Variants in ZBBX observed in about 807,000 individuals in gnomAD.
ZBBX encodes the protein zinc finger B-box domain containing.
Under a neutral mutation model 108.5 loss-of-function variants are expected in ZBBX, and 101 were observed. The observed-to-expected ratio is 0.93, with a 90% CI of 0.79 to 1.10. The LOEUF is 1.10. ZBBX is among the 50% of genes least tolerant of loss of function. ZBBX has a pLI of 0.00. For missense variants in ZBBX, 1,009 were observed against 941.4 expected (o/e 1.07, Z -0.94); for synonymous variants, 356 against 323.4 (o/e 1.10, Z -1.08).
intron 20 of ZBBX, among the ~76,000 whole-genome samples, chr3:167,261,181 C>A (rs771350211): frequency 1.3e-5 from 2 of 152,180 alleles, no homozygotes; most frequent in Non-Finnish European, 2.9e-5. Context: ...ATGATGTGAA[C>A]CATCTATGGG....
chr3:167,387,677 G>T lies in ZBBX; in HGVS notation c.-445-7272C>A, dbSNP rs368146617. ...AGGTGGAAGGAAGTCATACAATTCC[G>T]TGAAGGGAAGATTCATTAAGAGGTC... On this transcript the variant is annotated intron_variant, in intron 1 of 21. Coordinates refer to the ZBBX transcript ENST00000455345. 2.0e-4 allele frequency among the ~76,000 whole-genome samples: 31 copies of T among 152,134 alleles called. 1 individual carries two copies. Among genetic ancestry groups the T allele is most frequent in the East Asian group, 1.6e-3 (8 of 5,154 alleles).
upstream of ZBBX, among the ~76,000 whole-genome samples, chr3:167,383,943 A>G (rs1203719186): frequency 6.6e-6 from 1 of 152,086 alleles, no homozygotes; most frequent in African/African-American, 2.4e-5. Context: ...GCATGGGCAG[A>G]ATTTCTAGTT....
intron 17 of ZBBX, among the ~76,000 whole-genome samples, chr3:167,305,311 A>G (rs1307158486): frequency 1.3e-5 from 2 of 152,242 alleles, no homozygotes; most frequent in African/African-American, 4.8e-5. Flanking sequence ...AAAAACTAGA[A>G]AGTATTTATT....
At chr3:167,273,451 C>T (rs1726897926) in intron 20 of ZBBX, among the ~76,000 whole-genome samples, 1 of 152,124 alleles carries the variant, frequency 6.6e-6, no homozygotes, top group South Asian at 2.1e-4. Context: ...TGCTATATCC[C>T]AAAGTGCAAC....
intron 18 of ZBBX, among the ~76,000 whole-genome samples, chr3:167,291,146 C>T (rs1411709164): frequency 6.6e-6 from 1 of 151,942 alleles, no homozygotes; most frequent in African/African-American, 2.4e-5. Flanking sequence ...GGATATTATC[C>T]AAGAGAACTT....
chr3:167,318,117 C>T (rs1393941104), intron 12 of ZBBX, among the ~76,000 whole-genome samples: 2 of 151,842 alleles, frequency 1.3e-5, no homozygotes, highest in Non-Finnish European at 2.9e-5. Flanking sequence ...CTGCTGCAGC[C>T]CATTTCATAT....
At chr3:167,201,173 A>G in the ZBBX span, among the ~76,000 whole-genome samples, 1 of 152,148 alleles carries the variant, frequency 6.6e-6, no homozygotes, top group East Asian at 1.9e-4. Flanking sequence ...AAAGTAAAAT[A>G]TAGATCCAAA....
At chr3:167,330,859 GAGGAGGAGGAGGAGAAGAAGAAGA>G (rs1411257179) in intron 10 of ZBBX, among the ~76,000 whole-genome samples, 6 of 23,880 alleles carry the variant, frequency 2.5e-4, no homozygotes, top group East Asian at 1.7e-3. Flanking sequence ...GGAGGAGGAG[GAGGAGGAGGAGGAGAAGAAGAAGA>G]AGAAGAAGAA....
the ZBBX span, among the ~76,000 whole-genome samples, chr3:167,234,661 G>A: frequency 6.6e-6 from 1 of 151,692 alleles, no homozygotes; most frequent in Non-Finnish European, 1.5e-5. Context: ...CTTGTATACT[G>A]GAAACAAGTA....
Position 167,295,740 on chromosome 3 carries a change from TATATATATATATATATATAA to T in ZBBX, c.1879+2545_1879+2564del, listed in dbSNP as rs1166900752. On this transcript the variant is annotated intron_variant, in intron 18 of 21. Coordinates refer to ENST00000675490, the MANE Select transcript of ZBBX (RefSeq NM_001199201.2). ...ATATATATATATATATATATATATA[TATATATATATATATATATAA>T]AAAAAACTAGTAAGGAGATTAAATC... is the stretch of plus-strand genomic sequence containing the variant. Among the ~76,000 whole-genome samples, 27 of 44,414 alleles carry T rather than the reference TATATATATATATATATATAA, an allele frequency of 6.1e-4. 2 individuals are homozygous for T. The highest frequency in any genetic ancestry group is 0.01 in the Middle Eastern group (1 of 100). 29.1% of individuals were successfully genotyped at this position (44,414 alleles called of 152,430 possible).
At chr3:167,211,932 C>T in the ZBBX span, among the ~76,000 whole-genome samples, 35 of 152,182 alleles carry the variant, frequency 2.3e-4, 1 homozygote, top group South Asian at 3.3e-3. Flanking sequence ...CTGAGCCAAC[C>T]GGAGGTGGAA....
intron 1 of ZBBX, among the ~76,000 whole-genome samples, chr3:167,397,166 A>AAAAAAAAAAAAAAAAAAAAAAAAAAC (rs1748265803): frequency 1.3e-5 from 2 of 148,256 alleles, no homozygotes; most frequent in Non-Finnish European, 3.0e-5. Flanking sequence ...AAAAAAAAAA[A>AAAAAAAAAAAAAAAAAAAAAAAAAAC]TCTGACTCCT....
chr3:167,323,279 A>T (rs1355891649), intron 11 of ZBBX, among the ~76,000 whole-genome samples: 1 of 147,300 alleles, frequency 6.8e-6, no homozygotes, highest in Admixed American at 6.9e-5. Context: ...TGCTGTCTAG[A>T]TGTTAGAGAA....
chr3:167,379,025 A>T (rs183674396), intron 2 of ZBBX, among the ~76,000 whole-genome samples: 2 of 152,338 alleles, frequency 1.3e-5, no homozygotes, highest in Admixed American at 6.5e-5. Flanking sequence ...CAATCAATAC[A>T]GTCCCTATAC....
chr3:167,207,358 G>A, the ZBBX span, among the ~76,000 whole-genome samples: 2 of 152,180 alleles, frequency 1.3e-5, no homozygotes, highest in Non-Finnish European at 2.9e-5. Context: ...ACTCACAGAT[G>A]TAAGATAATG....
intron 16 of ZBBX, among the ~76,000 whole-genome samples, 194 bp from the exon 17 acceptor site, chr3:167,306,144 T>C (rs1002817429): frequency 3.9e-5 from 6 of 152,346 alleles, no homozygotes; most frequent in African/African-American, 1.2e-4. Context: ...AATTCACTTA[T>C]AGAACCAAAC....
chr3:167,327,820 A>T (rs913216521), intron 11 of ZBBX, 122 bp downstream of exon 11: 1 of 962,262 alleles, frequency 1.0e-6, no homozygotes, highest in Non-Finnish European at 1.5e-6. Flanking sequence ...AGGCTGAGGC[A>T]GGAGAATTAC....
chr3:167,325,626 C>T (rs1192285207), intron 11 of ZBBX, among the ~76,000 whole-genome samples: 1 of 151,994 alleles, frequency 6.6e-6, no homozygotes, highest in Non-Finnish European at 1.5e-5. Context: ...TTTTTTTGAC[C>T]TCCACTTAGG....
chr3:167,351,050 T>G (rs1008787509), intron 8 of ZBBX, among the ~76,000 whole-genome samples: 1 of 151,674 alleles, frequency 6.6e-6, no homozygotes, highest in South Asian at 2.1e-4. Context: ...GTTCTCAAAG[T>G]ATGGCTTTAA....
Sources: gnomAD v4.1 joint callset for allele counts (sites outside exome capture counted in the v4.1 genomes callset) on GRCh38, gnomAD v4.1.1 for gene constraint, MANE v1.5 for transcripts, NCBI Gene and HGNC (gene_info 2026-07-23, HGNC 2026-07-21) for gene names.